ARPP21: variants seen among roughly 807,000 people sequenced by gnomAD.
ARPP21 encodes cAMP regulated phosphoprotein 21.
In ARPP21, 69 loss-of-function variants were observed where a neutral mutation model predicts 113.2. The observed-to-expected ratio is 0.61, with a 90% CI of 0.50 to 0.74. The LOEUF is 0.74. Ranked by LOEUF, ARPP21 falls within the 30% of genes least tolerant of loss-of-function variation. The pLI, the probability that ARPP21 is intolerant of heterozygous loss-of-function variation, is 0.00. For missense variants in ARPP21, 1,070 were observed against 1,037.4 expected, an observed-to-expected ratio of 1.03 and a Z score of -0.43; for synonymous variants, 368 against 375.5, an observed-to-expected ratio of 0.98 and a Z score of 0.23.
At chr3:35,683,037 A>T (rs1017872014) in intron 4 of ARPP21, 148 bp downstream of exon 4, 3 of 693,262 alleles carry the variant, frequency 4.3e-6, no homozygotes, top group African/African-American at 3.7e-5. Flanking sequence ...GCTGTTTTTG[A>T]TGGGGTTATG....
At chr3:35,783,864 C>A (rs1482444653) in intron 19 of ARPP21, among the ~76,000 whole-genome samples, 1 of 151,956 alleles carries the variant, frequency 6.6e-6, no homozygotes, top group Non-Finnish European at 1.5e-5. Flanking sequence ...GTATCTTTGC[C>A]CTTTGCACAT....
At chr3:35,744,111 T>C in intron 19 of ARPP21, 146 bp downstream of exon 19, 1 of 844,854 alleles carries the variant, frequency 1.2e-6, no homozygotes, top group Non-Finnish European at 1.9e-6. Flanking sequence ...TTTGATTGAC[T>C]CTGTGTGGAA....
chr3:35,653,986 T>C (rs943129502), intron 1 of ARPP21, among the ~76,000 whole-genome samples: 3 of 151,896 alleles, frequency 2.0e-5, no homozygotes, highest in African/African-American at 7.3e-5. Flanking sequence ...AGATATATAA[T>C]TAAGTAAAAA....
intron 1 of ARPP21, among the ~76,000 whole-genome samples, chr3:35,653,886 T>C (rs1204135158): frequency 2.0e-5 from 3 of 152,062 alleles, no homozygotes; most frequent in South Asian, 4.1e-4. Flanking sequence ...ACAAATATTG[T>C]ATCAGTCCAT....
At chr3:35,691,053 G>T (rs369355912) in intron 9 of ARPP21, 48 bp downstream of exon 9, 1 of 1,556,154 alleles carries the variant, frequency 6.4e-7, no homozygotes, top group Non-Finnish European at 8.7e-7. Context: ...TTCTCCTATG[G>T]ATTCATTTAT....
intron 1 of ARPP21, among the ~76,000 whole-genome samples, chr3:35,664,828 G>C (rs1274576478): frequency 6.6e-6 from 1 of 152,160 alleles, no homozygotes; most frequent in South Asian, 2.1e-4. Context: ...AGCAGCTGCT[G>C]CTCTGTTCTC....
At chr3:35,665,322 G>T (rs1196613936) in intron 1 of ARPP21, among the ~76,000 whole-genome samples, 1 of 151,874 alleles carries the variant, frequency 6.6e-6, no homozygotes, top group Admixed American at 6.6e-5. Flanking sequence ...ATCATAAGCG[G>T]CCTAAGCTTT....
At chr3:35,754,115 A>G (rs1248792922) in intron 19 of ARPP21, among the ~76,000 whole-genome samples, 1 of 151,942 alleles carries the variant, frequency 6.6e-6, no homozygotes, top group African/African-American at 2.4e-5. Flanking sequence ...GGTATGACCA[A>G]TAAGATGCAT....
chr3:35,759,403 T>A (rs1228525748), intron 19 of ARPP21, among the ~76,000 whole-genome samples: 1 of 152,104 alleles, frequency 6.6e-6, no homozygotes, highest in Non-Finnish European at 1.5e-5. Context: ...ATACCGTTGT[T>A]GTTCATTTCT....
chr3:35,670,911 A>G (rs2076188233), intron 1 of ARPP21, among the ~76,000 whole-genome samples: 1 of 152,192 alleles, frequency 6.6e-6, no homozygotes, highest in Non-Finnish European at 1.5e-5. Flanking sequence ...CAAGGAACTT[A>G]GAGTCTAGTG....
chr3:35,737,174 G>A lies in ARPP21; in HGVS notation c.1460-4G>A. On this transcript the variant is annotated splice_region_variant and splice_polypyrimidine_tract_variant and intron_variant, in intron 15 of 20. Transcript: ENST00000684406. ...ACCTGGACTAAGTTCTGATTCCATT[G>A]CAGGCCAGCCCTTTGTGAATCCCGA... The A allele has an allele frequency of 1.3e-6, 2 of 1,590,028 alleles. No individual in the cohort carries two copies. The highest frequency in any genetic ancestry group is 1.7e-6 in the Non-Finnish European group (2 of 1,162,008).
intron 1 of ARPP21, among the ~76,000 whole-genome samples, chr3:35,679,128 G>A (rs1218918394): frequency 6.6e-6 from 1 of 151,928 alleles, no homozygotes; most frequent in Non-Finnish European, 1.5e-5. Context: ...CCAGCTGGCA[G>A]TGGCAATCCC....
intron 13 of ARPP21, 102 bp from the exon 14 acceptor site, chr3:35,721,503 T>C: frequency 1.4e-6 from 1 of 690,158 alleles, no homozygotes; most frequent in Non-Finnish European, 2.6e-6. Flanking sequence ...GGAAGGGTCT[T>C]GTGTGGATCA....
chr3:35,654,365 T>A (rs540846001), intron 1 of ARPP21, among the ~76,000 whole-genome samples: 1 of 152,170 alleles, frequency 6.6e-6, no homozygotes, highest in South Asian at 2.1e-4. Flanking sequence ...CTCTAAGATA[T>A]TCCTCTGTAA....
intron 9 of ARPP21, among the ~76,000 whole-genome samples, chr3:35,705,039 A>G (rs1477898838): frequency 6.6e-6 from 1 of 152,116 alleles, no homozygotes; most frequent in African/African-American, 2.4e-5. Flanking sequence ...ACAAATACAA[A>G]CAAAATTTCT....
At chr3:35,787,043 T>A (rs1181367909) in intron 19 of ARPP21, among the ~76,000 whole-genome samples, 1 of 152,074 alleles carries the variant, frequency 6.6e-6, no homozygotes, top group East Asian at 1.9e-4. Flanking sequence ...AGTAATGAAG[T>A]GAGACAGGAA....
intron 1 of ARPP21, among the ~76,000 whole-genome samples, chr3:35,646,182 G>A (rs985837391): frequency 2.6e-5 from 4 of 151,960 alleles, no homozygotes; most frequent in Non-Finnish European, 5.9e-5. Flanking sequence ...ATGACTCCTC[G>A]TAATTGTTTA....
intron 12 of ARPP21, among the ~76,000 whole-genome samples, chr3:35,716,825 T>C (rs1191819934): frequency 1.3e-5 from 2 of 152,022 alleles, no homozygotes; most frequent in African/African-American, 4.8e-5. Flanking sequence ...TGGTCACATA[T>C]ATATGTATTG....
chr3:35,738,203 C>T lies in ARPP21; in HGVS notation c.1645-11C>T. ...TTTTCTGTCAGCTGATCAATTTTTT[C>T]TTTCCTCCAGTCTGTCCAGGGGCTG... is the stretch of plus-strand genomic sequence containing the variant. On this transcript the variant is annotated splice_polypyrimidine_tract_variant and intron_variant, in intron 16 of 20. Transcript: ENST00000684406. 2 of 1,513,512 alleles carry T rather than the reference C, an allele frequency of 1.3e-6. No individual in the cohort carries two copies. The highest frequency in any genetic ancestry group is 1.8e-6 in the Non-Finnish European group (2 of 1,126,264). The allele number at this position is 1,513,512 out of a possible 1,614,324, so 93.8% of individuals were successfully genotyped here.
Sources: gnomAD v4.1 joint callset for allele counts (sites outside exome capture counted in the v4.1 genomes callset) on GRCh38, gnomAD v4.1.1 for gene constraint, MANE v1.5 for transcripts, NCBI Gene and HGNC (gene_info 2026-07-23, HGNC 2026-07-21) for gene names.